The following CPVL variants were observed in gnomAD, a reference collection of about 807,000 sequenced individuals.
CPVL encodes carboxypeptidase vitellogenic like, also known as probable serine carboxypeptidase CPVL.
In CPVL, 51 loss-of-function variants were observed where a neutral mutation model predicts 63.7. That is an observed-to-expected ratio of 0.80 (90% CI 0.64 to 1.01). The LOEUF is 1.01. Ranked by LOEUF, CPVL falls within the 50% of genes least tolerant of loss-of-function variation. CPVL has a pLI of 0.00. For synonymous variants in CPVL, 195 were observed against 206.0 expected, an observed-to-expected ratio of 0.95 and a Z score of 0.46; for missense variants, 530 against 573.1, an observed-to-expected ratio of 0.92 and a Z score of 0.77.
intron 5 of CPVL, among the ~76,000 whole-genome samples, chr7:29,162,043 A>G (rs1458000510): frequency 6.6e-6 from 1 of 152,260 alleles, no homozygotes; most frequent in East Asian, 1.9e-4. Flanking sequence ...GCATGGATGC[A>G]GGGAAACTGG....
chr7:29,058,892 G>C (rs186542913), intron 11 of CPVL, among the ~76,000 whole-genome samples: 154 of 151,130 alleles, frequency 1.0e-3, no homozygotes, highest in African/African-American at 3.4e-3. Flanking sequence ...ATTTTGTTTT[G>C]GCATTTATCT....
chr7:29,189,234 G>A (rs981871025), intron 1 of CPVL, among the ~76,000 whole-genome samples: 1 of 152,092 alleles, frequency 6.6e-6, no homozygotes, highest in Admixed American at 6.6e-5. Flanking sequence ...TTACAGGTGT[G>A]AGCCACCGCG....
At chr7:29,044,476 A>T (rs1173663081) in intron 11 of CPVL, among the ~76,000 whole-genome samples, 1 of 152,170 alleles carries the variant, frequency 6.6e-6, no homozygotes, top group Non-Finnish European at 1.5e-5. Flanking sequence ...GTTTTAAATT[A>T]AAAAATTAAA....
chr7:29,033,596 CT>C (rs1788242267), intron 11 of CPVL, among the ~76,000 whole-genome samples: 1 of 152,178 alleles, frequency 6.6e-6, no homozygotes, highest in African/African-American at 2.4e-5. Context: ...CTAAGGCTTG[CT>C]GGTATTTTAA....
intron 1 of CPVL, among the ~76,000 whole-genome samples, chr7:29,134,868 G>A (rs1228902729): frequency 1.3e-5 from 2 of 152,096 alleles, no homozygotes; most frequent in African/African-American, 4.8e-5. Flanking sequence ...GGGAGACCAA[G>A]GCAGAAGGAT....
intron 1 of CPVL, among the ~76,000 whole-genome samples, chr7:29,145,086 G>A (rs562876373): frequency 6.6e-6 from 1 of 151,584 alleles, no homozygotes; most frequent in Non-Finnish European, 1.5e-5. Flanking sequence ...TTAGCCAAAC[G>A]GTCTTGACGA....
chr7:29,178,285 G>T (rs1797615627), intron 5 of CPVL, among the ~76,000 whole-genome samples: 1 of 152,064 alleles, frequency 6.6e-6, no homozygotes, highest in Admixed American at 6.6e-5. Flanking sequence ...AGCTTCTGTG[G>T]CTTCCCATTG....
chr7:29,095,280 A>C, intron 4 of CPVL, 138 bp from the exon 5 acceptor site: 9 of 686,320 alleles, frequency 1.3e-5, no homozygotes, highest in African/African-American at 3.5e-5. Flanking sequence ...GCACACTCTC[A>C]TGGTGGGGAA....
At chr7:29,126,786 C>A (rs1298224725) in intron 1 of CPVL, 1 of 152,240 alleles carries the variant, frequency 6.6e-6, no homozygotes, top group Non-Finnish European at 1.5e-5. Context: ...TGCCTGTAAT[C>A]CTGGCACTTT....
rs1584098019 is a variant in CPVL at position 29,048,767 on chromosome 7, C to T, written c.1137+15294G>A. 2.6e-5 allele frequency among the ~76,000 whole-genome samples: 4 copies of T among 151,998 alleles called. No homozygotes were observed. The South Asian group carries it at 6.2e-4, about 24-fold the overall frequency. ...GGAACTTTCTCCAAGATAGACCAAA[C>T]GACAGGCCACAAAATGAGCCTCAAT... On this transcript the variant is annotated intron_variant, in intron 11 of 12. Transcript: ENST00000265394.
chr7:29,182,029 CTTAAA>C (rs1798122520), intron 4 of CPVL, among the ~76,000 whole-genome samples: 1 of 152,124 alleles, frequency 6.6e-6, no homozygotes, highest in African/African-American at 2.4e-5. Flanking sequence ...CTTTTTCTTA[CTTAAA>C]TTATAACTAT....
intron 11 of CPVL, among the ~76,000 whole-genome samples, chr7:29,037,035 T>G (rs781509166): frequency 1.3e-5 from 2 of 152,216 alleles, no homozygotes; most frequent in Non-Finnish European, 2.9e-5. Flanking sequence ...CTAACCTCCA[T>G]AAGAACACAT....
chr7:29,086,218 G>A (rs1179154256), intron 7 of CPVL, among the ~76,000 whole-genome samples: 1 of 152,036 alleles, frequency 6.6e-6, no homozygotes. Context: ...CTTGAACCCA[G>A]GAGGCGCAGG....
intron 3 of CPVL, among the ~76,000 whole-genome samples, chr7:29,104,480 C>T (rs566936474): frequency 2.4e-4 from 37 of 152,288 alleles, no homozygotes; most frequent in African/African-American, 7.7e-4. Context: ...AGGCTGGTCT[C>T]GAACTTCTGA....
intron 2 of CPVL, among the ~76,000 whole-genome samples, chr7:29,115,473 C>T (rs1788690642): frequency 6.6e-6 from 1 of 152,198 alleles, no homozygotes; most frequent in Non-Finnish European, 1.5e-5. Context: ...TCCCCTCCCA[C>T]TCTTCCCGCC....
intron 11 of CPVL, among the ~76,000 whole-genome samples, chr7:29,043,013 TAA>T (rs771204150): frequency 6.6e-6 from 1 of 152,168 alleles, no homozygotes; most frequent in Non-Finnish European, 1.5e-5. Flanking sequence ...CCAGTTTGAA[TAA>T]AGGTTACTTT....
intron 1 of CPVL, among the ~76,000 whole-genome samples, chr7:29,134,151 G>T (rs1790962846): frequency 1.3e-5 from 2 of 152,162 alleles, no homozygotes; most frequent in African/African-American, 4.8e-5. Flanking sequence ...CCAGCCCCTT[G>T]AACACTCAGC....
chr7:29,093,148 G>A (rs1470495420), intron 5 of CPVL, among the ~76,000 whole-genome samples: 4 of 152,054 alleles, frequency 2.6e-5, no homozygotes, highest in Non-Finnish European at 5.9e-5. Flanking sequence ...CACTTTGGGA[G>A]GCTGAGGCGG....
chr7:29,149,374 A>G (rs1414414951), upstream of CPVL, among the ~76,000 whole-genome samples: 3 of 151,924 alleles, frequency 2.0e-5, no homozygotes, highest in East Asian at 5.8e-4. Flanking sequence ...TTGTATTTGT[A>G]GTAGACACGG....
Sources: gnomAD v4.1 joint callset for allele counts (sites outside exome capture counted in the v4.1 genomes callset) on GRCh38, gnomAD v4.1.1 for gene constraint, MANE v1.5 for transcripts, NCBI Gene and HGNC (gene_info 2026-07-23, HGNC 2026-07-21) for gene names.